The following ITM2C variants were observed in gnomAD, a reference collection of about 807,000 sequenced individuals.
ITM2C encodes the protein integral membrane protein 2C, also known as BRICHOS domain containing 2C.
Under a neutral mutation model 30.0 loss-of-function variants are expected in ITM2C, and 20 were observed. The observed-to-expected ratio is 0.67, with a 90% confidence interval of 0.47 to 0.97. ITM2C has a LOEUF of 0.97. ITM2C is among the 50% of genes least tolerant of loss of function. The probability of loss-of-function intolerance (pLI) is 0.00; values close to 1 mark genes in which losing one functional copy is unlikely to be tolerated. For missense variants in ITM2C, 366 were observed against 371.9 expected, an observed-to-expected ratio of 0.98 and a Z score of 0.13; for synonymous variants, 167 against 156.4, an observed-to-expected ratio of 1.07 and a Z score of -0.51.
chr2:230,865,084 AG>A lies in ITM2C; in HGVS notation c.61del (p.Ala21ArgfsTer16). The A allele has an allele frequency of 6.5e-7, 1 of 1,535,434 alleles. No individual in the cohort carries two copies. Among genetic ancestry groups the A allele is most frequent in the Non-Finnish European group, 8.8e-7 (1 of 1,138,336 alleles). On this transcript the variant is annotated frameshift_variant, in exon 1 of 6. Transcript: ENST00000326427. LOFTEE classifies it high-confidence loss of function. The surrounding 1 kb of genome is among the most constrained non-coding windows in gnomAD (Gnocchi z 6.8). ...VAGIKGDKAD[K>X]ASASAPAPAS... ...GGCATCAAGGGCGACAAGGCTGACAAGGCGTCGGCGTCGGCCCCTGCGCCGG... is the reference window on the plus strand; with the variant it reads ...GGCATCAAGGGCGACAAGGCTGACAAGCGTCGGCGTCGGCCCCTGCGCCGG...
At chr2:230,872,795 C>T (rs115188833) in intron 1 of ITM2C, among the ~76,000 whole-genome samples, 3,712 of 152,214 alleles carry the variant, frequency 0.024, 158 homozygotes, top group African/African-American at 0.085. Context: ...CTCCTGGAGC[C>T]CCTGCCCCCA....
At position 230,878,127 on chromosome 2, in the gene ITM2C, G is replaced by A. The variant is rs371063039; in HGVS notation, c.*28G>A. The A allele has an allele frequency of 4.7e-5, 71 of 1,498,370 alleles. No homozygotes were observed. Among genetic ancestry groups the A allele is most frequent in the South Asian group, 3.3e-4 (26 of 78,666 alleles). 92.8% of individuals were successfully genotyped at this position (1,498,370 alleles called of 1,614,324 possible). On this transcript the variant is annotated 3_prime_UTR_variant, in exon 6 of 6. Coordinates refer to ENST00000326427, the MANE Select transcript of ITM2C (RefSeq NM_030926.6). The surrounding 1 kb of genome is among the most constrained non-coding windows in gnomAD (Gnocchi z 4.5). ...CCCTCCTCCCCCAGAACCCCCTGCC[G>A]TGTTCCTCTTTTCTTCTTTCCGGCT...
rs546720172 is a variant in ITM2C, at chr2:230,878,507, T to C, written c.*408T>C. On this transcript the variant is annotated 3_prime_UTR_variant, in exon 6 of 6. Transcript: ENST00000326427. This position sits in a 1 kb window ranked among gnomAD's most constrained non-coding sequence, Gnocchi z 4.5. ...ATGGGCTTCAGAAGTATCTGCACAA[T>C]TAGAAAAGTCCTCAGAAGCTTTTTC... 146 of 158,928 alleles carry C rather than the reference T, an allele frequency of 9.2e-4. No individual in the cohort carries two copies. The highest frequency in any genetic ancestry group is 3.4e-3 in the African/African-American group (141 of 41,736). 9.8% of individuals were successfully genotyped at this position (158,928 alleles called of 1,614,324 possible). A position where few individuals can be genotyped will look rare whatever the true frequency, so the allele number is the denominator to read the frequency against.
In ITM2C at chr2:230,878,427, G is replaced by A. The variant is rs1231864312; in HGVS notation, c.*328G>A. Reference sequence around the variant, plus strand: ...GCCCAAGGGGAAGGACCGGTTGGGGGAGCCGGGCATGTGAGGCCCTGGGCA... The same window carrying A: ...GCCCAAGGGGAAGGACCGGTTGGGGAAGCCGGGCATGTGAGGCCCTGGGCA... On this transcript the variant is annotated 3_prime_UTR_variant, in exon 6 of 6. Transcript: ENST00000326427. The surrounding 1 kb of genome is among the most constrained non-coding windows in gnomAD (Gnocchi z 4.5). The A allele has an allele frequency of 2.0e-5, 4 of 197,462 alleles. No homozygotes were observed. Among genetic ancestry groups the A allele is most frequent in the Non-Finnish European group, 4.1e-5 (4 of 97,566 alleles). 12.2% of individuals were successfully genotyped at this position (197,462 alleles called of 1,614,324 possible).
chr2:230,868,292 G>A (rs1000416614), intron 1 of ITM2C, among the ~76,000 whole-genome samples: 3 of 152,134 alleles, frequency 2.0e-5, no homozygotes, highest in African/African-American at 4.8e-5. Flanking sequence ...AGATAATGAG[G>A]AGCTGGGACA....
intron 2 of ITM2C, among the ~76,000 whole-genome samples, chr2:230,874,272 G>A (rs1354653940): frequency 2.0e-5 from 3 of 152,254 alleles, no homozygotes; most frequent in South Asian, 2.1e-4. Context: ...GTTTTTCCAC[G>A]ATGGAAATTG....
Position 230,875,824 on chromosome 2 carries a change from GCCT to G in ITM2C, c.450+17_450+19del. ...CTTCCAGCGGGTGAGGCTGGCCAGG[GCCT>G]GGGGGTGGGGGGTGGGAGGGTGTCC... On this transcript the variant is annotated intron_variant, in intron 3 of 5. Coordinates refer to ENST00000326427, the MANE Select transcript of ITM2C (RefSeq NM_030926.6). 1 of 390,154 alleles carries G rather than the reference GCCT, an allele frequency of 2.6e-6. No homozygotes were observed. Among genetic ancestry groups the G allele is most frequent in the Non-Finnish European group, 4.9e-6 (1 of 206,140 alleles). 24.2% of individuals were successfully genotyped at this position (390,154 alleles called of 1,614,324 possible).
chr2:230,865,020 G>C lies in ITM2C; in HGVS notation c.-6G>C. The C allele has an allele frequency of 6.7e-7, 1 of 1,494,064 alleles. No individual in the cohort carries two copies. Among genetic ancestry groups the C allele is most frequent in the Non-Finnish European group, 9.0e-7 (1 of 1,113,728 alleles). The allele number at this position is 1,494,064 out of a possible 1,614,324, so 92.6% of individuals were successfully genotyped here. A position where few individuals can be genotyped will look rare whatever the true frequency, so the allele number is the denominator to read the frequency against. On this transcript the variant is annotated 5_prime_UTR_variant, in exon 1 of 6. Coordinates refer to ENST00000326427, the MANE Select transcript of ITM2C (RefSeq NM_030926.6). The surrounding 1 kb of genome is among the most constrained non-coding windows in gnomAD (Gnocchi z 6.8). ...CTGCGGGGCGGACGCGCGGGCCGGC[G>C]CAGCCATGGTGAAGATTAGCTTCCA...
chr2:230,875,827 TG>T lies in ITM2C; in HGVS notation c.450+24del. 5 of 161,032 alleles carry T rather than the reference TG, an allele frequency of 3.1e-5. No homozygotes were observed. The highest frequency in any genetic ancestry group is 1.4e-4 in the East Asian group (1 of 7,110). 10.0% of individuals were successfully genotyped at this position (161,032 alleles called of 1,614,324 possible). A position where few individuals can be genotyped will look rare whatever the true frequency, so the allele number is the denominator to read the frequency against. On this transcript the variant is annotated intron_variant, in intron 3 of 5. Transcript: ENST00000326427. ...CCAGCGGGTGAGGCTGGCCAGGGCCTGGGGGTGGGGGGTGGGAGGGTGTCCC... is the reference window on the plus strand; with the variant it reads ...CCAGCGGGTGAGGCTGGCCAGGGCCTGGGGTGGGGGGTGGGAGGGTGTCCC...
chr2:230,868,288 T>C (rs1163468121), intron 1 of ITM2C, among the ~76,000 whole-genome samples: 2 of 152,062 alleles, frequency 1.3e-5, no homozygotes, highest in East Asian at 3.9e-4. Context: ...TCTGAGATAA[T>C]GAGGAGCTGG....
chr2:230,877,453 G>C lies in ITM2C; in HGVS notation c.615G>C (p.Thr205=). ...TCATCCAGGAGGAGATGGTGGTCACGGAGCATGTCAGTGACAAGGAGGCCC... is the reference window on the plus strand; with the variant it reads ...TCATCCAGGAGGAGATGGTGGTCACCGAGCATGTCAGTGACAAGGAGGCCC... The part of the protein sequence containing the change: ...TYIIQEEMVV[T]EHVSDKEALG... The change falls in exon 5 of 6, where the codon ACG becomes ACC. Residue 205 remains threonine, a synonymous_variant. Transcript: ENST00000326427. The surrounding 1 kb of genome is among the most constrained non-coding windows in gnomAD (Gnocchi z 4.8). 1 of 1,613,778 alleles carries C rather than the reference G, an allele frequency of 6.2e-7. No homozygotes were observed. The highest frequency in any genetic ancestry group is 8.5e-7 in the Non-Finnish European group (1 of 1,179,740).
chr2:230,873,675 G>C, intron 2 of ITM2C, 118 bp downstream of exon 2: 1 of 1,027,988 alleles, frequency 9.7e-7, no homozygotes, highest in Non-Finnish European at 1.4e-6. Context: ...TCAGGTGGGA[G>C]CGAGTGCCCG....
Position 230,868,263 on chromosome 2 carries a change from C to T in ITM2C, c.120+3118C>T, listed in dbSNP as rs182150357. On this transcript the variant is annotated intron_variant, in intron 1 of 5. Coordinates refer to ENST00000326427, the MANE Select transcript of ITM2C (RefSeq NM_030926.6). The stretch of plus-strand genomic sequence containing the variant: ...GGGCTTCCAGCTGCCCGGCCTCCCC[C>T]CCTGGTGTTTTGACTCTGAGATAAT... Among the ~76,000 whole-genome samples, 33 of 152,028 alleles carry T rather than the reference C, an allele frequency of 2.2e-4. 1 individual carries two copies. Among genetic ancestry groups the T allele is most frequent in the Non-Finnish European group, 5.9e-5 (4 of 67,974 alleles).
intron 3 of ITM2C, 24 bp downstream of exon 3, chr2:230,875,832 G>A: frequency 5.4e-6 from 2 of 371,644 alleles, no homozygotes; most frequent in South Asian, 2.2e-5. Flanking sequence ...GGGCCTGGGG[G>A]TGGGGGGTGG....
chr2:230,865,956 T>TTCCCCCACCCCTGTCGCCACCC lies in ITM2C; in HGVS notation c.120+826_120+827insGCCACCCTCCCCCACCCCTGTC, dbSNP rs528751040. Among the ~76,000 whole-genome samples the TTCCCCCACCCCTGTCGCCACCC allele has an allele frequency of 6.6e-6, 1 of 150,446 alleles. No homozygotes were observed. ...CCTGGGTCCCCGGGCTCTGTGCGCG[T>TTCCCCCACCCCTGTCGCCACCC]TCCCCCACCCCTGTCATCCCCCTCC... On this transcript the variant is annotated intron_variant, in intron 1 of 5. Transcript: ENST00000326427. The surrounding 1 kb of genome is among the most constrained non-coding windows in gnomAD (Gnocchi z 6.8).
intron 1 of ITM2C, among the ~76,000 whole-genome samples, chr2:230,867,879 A>C (rs965364598): frequency 3.3e-5 from 5 of 152,078 alleles, no homozygotes; most frequent in African/African-American, 1.2e-4. Context: ...GACTGGTCTC[A>C]AATTCCTGAC....
Position 230,877,033 on chromosome 2 carries a change from G to A in ITM2C, c.561+66G>A. On this transcript the variant is annotated intron_variant, in intron 4 of 5. Coordinates refer to ENST00000326427, the MANE Select transcript of ITM2C (RefSeq NM_030926.6). The surrounding 1 kb of genome is among the most constrained non-coding windows in gnomAD (Gnocchi z 4.8). ...CTCCCTTGCCCCCTGTCTCATGGAG[G>A]CTAGGTCTGAGGTACAGGAAGTTCC... is the stretch of plus-strand genomic sequence containing the variant. 8.8e-7 allele frequency: 1 copy of A among 1,142,848 alleles called. No individual in the cohort carries two copies. 70.8% of individuals were successfully genotyped at this position (1,142,848 alleles called of 1,614,324 possible).
chr2:230,864,752 G>A, upstream of ITM2C: 1 of 199,176 alleles, frequency 5.0e-6, no homozygotes, highest in Non-Finnish European at 1.0e-5. This position sits in a 1 kb window ranked among gnomAD's most constrained non-coding sequence, Gnocchi z 4.3. Context: ...GACTGTGCGA[G>A]CGAGCGGCAG....
At chr2:230,873,323 C>T (rs3111750) in intron 1 of ITM2C, 94 bp from the exon 2 acceptor site, 93,345 of 1,296,454 alleles carry the variant, frequency 0.072, 3,760 homozygotes, top group Admixed American at 0.11. Context: ...AGACTCCCTC[C>T]GGGCCCAGCC....
Sources: allele counts gnomAD v4.1 joint callset (sites outside exome capture counted in the v4.1 genomes callset), GRCh38; gene constraint gnomAD v4.1.1; non-coding constraint Gnocchi (gnomAD v3.1); transcripts MANE v1.5; gene names NCBI Gene and HGNC (gene_info 2026-07-23, HGNC 2026-07-21).